Variants in ETV5 observed in about 807,000 individuals in gnomAD.
ETV5 encodes the protein ETS variant transcription factor 5.
ETV5 carries 10 observed loss-of-function variants against 70.0 expected under a neutral mutation model. The observed-to-expected ratio is 0.14, with a 90% CI of 0.09 to 0.24. The LOEUF (loss-of-function observed/expected upper bound fraction) is 0.24. Ranked by LOEUF, ETV5 falls within the 10% of genes least tolerant of loss-of-function variation. ETV5 has a pLI of 1.00. For synonymous variants in ETV5, 216 were observed against 242.2 expected (o/e 0.89, Z 1.01); for missense variants, 453 against 651.2 (o/e 0.70, Z 3.31).
intron 11 of ETV5, among the ~76,000 whole-genome samples, chr3:186,056,250 C>T (rs1225783966): frequency 2.0e-5 from 3 of 152,084 alleles, no homozygotes; most frequent in Non-Finnish European, 4.4e-5. Flanking sequence ...CATCTCTCAA[C>T]TACTCTATTG....
At chr3:186,073,220 T>C (rs1424417787) in intron 7 of ETV5, among the ~76,000 whole-genome samples, 1 of 152,204 alleles carries the variant, frequency 6.6e-6, no homozygotes, top group Admixed American at 6.5e-5. Context: ...AACTTAACAT[T>C]AAACAATGAA....
intron 9 of ETV5, among the ~76,000 whole-genome samples, chr3:186,059,948 G>A (rs778783049): frequency 6.6e-6 from 1 of 151,992 alleles, no homozygotes; most frequent in African/African-American, 2.4e-5. Flanking sequence ...TTCCAATTTG[G>A]CACTAAACTG....
At chr3:186,062,632 C>T (rs1713334503) in intron 9 of ETV5, among the ~76,000 whole-genome samples, 1 of 152,000 alleles carries the variant, frequency 6.6e-6, no homozygotes. Flanking sequence ...AAAGACAAAA[C>T]AAAACCAAAC....
At chr3:186,072,257 C>A (rs920723528) in intron 7 of ETV5, among the ~76,000 whole-genome samples, 1 of 151,916 alleles carries the variant, frequency 6.6e-6, no homozygotes, top group Non-Finnish European at 1.5e-5. Flanking sequence ...TGTCGAATGC[C>A]TGTAAACCCA....
At chr3:186,108,482 C>G in intron 1 of ETV5, 1 of 1,278,176 alleles carries the variant, frequency 7.8e-7, no homozygotes. Context: ...CCTCCCGGTG[C>G]TCTGGGGGGC....
chr3:186,084,127 T>C lies in ETV5; in HGVS notation c.233-2952A>G, dbSNP rs778206373. ...CAGCACCTTGCAGATGGTGCTATGA[T>C]GTTGTGTAATTATACCCTGTGCTTT... On this transcript the variant is annotated intron_variant, in intron 5 of 12. Coordinates refer to ENST00000306376, the MANE Select transcript of ETV5 (RefSeq NM_004454.3). 3.6e-5 allele frequency: 15 copies of C among 416,768 alleles called. No homozygotes were observed. The East Asian group carries it at 6.5e-4, about 18-fold the overall frequency. 25.8% of individuals were successfully genotyped at this position (416,768 alleles called of 1,614,324 possible).
chr3:186,074,756 A>G (rs1485105619), intron 7 of ETV5, among the ~76,000 whole-genome samples: 1 of 151,646 alleles, frequency 6.6e-6, no homozygotes, highest in Non-Finnish European at 1.5e-5. Flanking sequence ...TCTACTAAAA[A>G]TATAAAAATT....
At chr3:186,083,634 T>G (rs968194771) in intron 5 of ETV5, among the ~76,000 whole-genome samples, 1 of 152,232 alleles carries the variant, frequency 6.6e-6, no homozygotes, top group African/African-American at 2.4e-5. Context: ...CTAAATTATA[T>G]AGTACCTTCT....
chr3:186,077,142 C>T (rs1231338930), intron 7 of ETV5, among the ~76,000 whole-genome samples: 2 of 152,150 alleles, frequency 1.3e-5, no homozygotes, highest in Non-Finnish European at 2.9e-5. Context: ...TTTCACTCTG[C>T]CTATGTCACA....
intron 12 of ETV5, among the ~76,000 whole-genome samples, chr3:186,050,446 T>C (rs1430573409): frequency 4.6e-5 from 7 of 152,198 alleles, no homozygotes; most frequent in Non-Finnish European, 8.8e-5. Context: ...AAAGGAATAA[T>C]GGCTCTCCCA....
intron 7 of ETV5, among the ~76,000 whole-genome samples, chr3:186,074,680 G>A (rs1006936254): frequency 3.3e-5 from 5 of 151,954 alleles, no homozygotes; most frequent in Admixed American, 3.3e-4. Context: ...TTGGGAGGAC[G>A]AGATGGGTGG....
intron 5 of ETV5, chr3:186,084,257 CTT>C (rs1270885629): frequency 2.4e-6 from 1 of 410,450 alleles, no homozygotes; most frequent in East Asian, 7.4e-5. Flanking sequence ...ATCATGAACT[CTT>C]GAGGAAGTTT....
chr3:186,083,974 T>C (rs1004242555), intron 5 of ETV5, among the ~76,000 whole-genome samples: 8 of 152,156 alleles, frequency 5.3e-5, no homozygotes, highest in African/African-American at 1.9e-4. Context: ...CTGGCATGTG[T>C]TAGTCAGAGA....
In ETV5 at chr3:186,052,917, GTA is replaced by G. The variant is rs1017922028; in HGVS notation, c.1210-788_1210-787del. Among the ~76,000 whole-genome samples the G allele has an allele frequency of 1.3e-5, 2 of 152,036 alleles. No individual in the cohort carries two copies. The highest frequency in any genetic ancestry group is 4.8e-5 in the African/African-American group (2 of 41,370). On this transcript the variant is annotated intron_variant, in intron 11 of 12. Coordinates refer to ENST00000306376, the MANE Select transcript of ETV5 (RefSeq NM_004454.3). This position sits in a 1 kb window ranked among gnomAD's most constrained non-coding sequence, Gnocchi z 4.5. Reference sequence around the variant, plus strand: ...GCAGCCAAGCAATTTCTGTTCTCAAGTATATCAGCTTCCAAAATCCTACTTAT... The same window carrying G: ...GCAGCCAAGCAATTTCTGTTCTCAAGTATCAGCTTCCAAAATCCTACTTAT...
At chr3:186,095,333 C>G (rs1486287046) in intron 5 of ETV5, 1 of 152,134 alleles carries the variant, frequency 6.6e-6, no homozygotes, top group Non-Finnish European at 1.5e-5. Flanking sequence ...AAAAAAATTG[C>G]AAAACTAAAC....
At chr3:186,062,351 C>T (rs1439434463) in intron 9 of ETV5, among the ~76,000 whole-genome samples, 1 of 152,188 alleles carries the variant, frequency 6.6e-6, no homozygotes, top group East Asian at 1.9e-4. Flanking sequence ...TTTCATTACC[C>T]TATGGGGCAA....
chr3:186,108,478 G>T, intron 1 of ETV5: 10 of 1,271,528 alleles, frequency 7.9e-6, no homozygotes, highest in Non-Finnish European at 1.0e-5. Flanking sequence ...ACCCCCTCCC[G>T]GTGCTCTGGG....
rs565737924 is a variant in ETV5 at position 186,105,523 on chromosome 3, A to C, written c.134-27T>G. On this transcript the variant is annotated intron_variant, in intron 3 of 12. Transcript: ENST00000306376. The surrounding 1 kb of genome is among the most constrained non-coding windows in gnomAD (Gnocchi z 4.5). ...TGAAATTGAAAAAGAAGACCCCAGA[A>C]TGAGGATATTTCTTTCGCTAGGGAG... The C allele has an allele frequency of 6.2e-7, 1 of 1,613,938 alleles. No homozygotes were observed.
At chr3:186,088,702 G>A (rs1027937667) in intron 5 of ETV5, among the ~76,000 whole-genome samples, 9 of 152,144 alleles carry the variant, frequency 5.9e-5, no homozygotes, top group Non-Finnish European at 1.3e-4. Context: ...AAACAGAACC[G>A]AAAAATCCAC....
Sources: gnomAD v4.1 joint callset for allele counts (sites outside exome capture counted in the v4.1 genomes callset) on GRCh38, gnomAD v4.1.1 for gene constraint, Gnocchi (gnomAD v3.1) non-coding constraint, MANE v1.5 for transcripts, NCBI Gene and HGNC (gene_info 2026-07-23, HGNC 2026-07-21) for gene names.